BRINP1: variants seen among roughly 807,000 people sequenced by gnomAD.
The protein encoded by BRINP1 is BMP/retinoic acid inducible neural specific 1.
A neutral mutation model predicts 72.9 loss-of-function variants in BRINP1; 17 were observed. That is an observed-to-expected ratio of 0.23 (90% CI 0.16 to 0.35). The LOEUF (loss-of-function observed/expected upper bound fraction) is 0.35, where lower values mean the gene tolerates loss of function less well. Ranked by LOEUF, BRINP1 falls within the 10% of genes least tolerant of loss-of-function variation. The pLI, the probability that BRINP1 is intolerant of heterozygous loss-of-function variation, is 1.00. For synonymous variants in BRINP1, 418 were observed against 378.5 expected (o/e 1.10, Z -1.21); for missense variants, 850 against 1,001.6 (o/e 0.85, Z 2.04).
chr9:119,272,852 T>C (rs1219064862), intron 2 of BRINP1, among the ~76,000 whole-genome samples: 1 of 152,210 alleles, frequency 6.6e-6, no homozygotes, highest in Non-Finnish European at 1.5e-5. Context: ...ATTTGTGTCC[T>C]ATATTGATTG....
chr9:119,167,839 G>A lies in BRINP1; in HGVS notation c.1531C>T (p.Arg511Cys). 2 of 1,614,186 alleles carry A rather than the reference G, an allele frequency of 1.2e-6. No homozygotes were observed. The highest frequency in any genetic ancestry group is 1.7e-6 in the Non-Finnish European group (2 of 1,180,036). The change falls in exon 8 of 8, where the codon CGC (arginine) becomes TGC (cysteine). Residue 511 changes from arginine (R) to cysteine (C), a missense_variant. By Grantham distance (180) the Arg-to-Cys change is radical. Transcript: ENST00000265922. This position sits in a 1 kb window ranked among gnomAD's most constrained non-coding sequence, Gnocchi z 4.3. ...VHTTFISNEI[R>C]LDTFFDPRWR... Reference sequence around the variant, plus strand: ...CGAGGGTCAAAGAAGGTGTCGAGGCGGATCTCGTTGCTGATGAAGGTGGTG... The same window carrying A: ...CGAGGGTCAAAGAAGGTGTCGAGGCAGATCTCGTTGCTGATGAAGGTGGTG...
chr9:119,347,155 CA>C (rs1454564148), intron 1 of BRINP1, among the ~76,000 whole-genome samples: 1 of 152,084 alleles, frequency 6.6e-6, no homozygotes, highest in Non-Finnish European at 1.5e-5. Context: ...TTTACAGTTC[CA>C]AGAGATTTTT....
At chr9:119,221,512 CTG>C (rs1830041400) in intron 5 of BRINP1, among the ~76,000 whole-genome samples, 2 of 152,070 alleles carry the variant, frequency 1.3e-5, no homozygotes, top group South Asian at 4.1e-4. Context: ...CCGGGTGAAA[CTG>C]TGCAGAAAGG....
chr9:119,235,112 G>T (rs565434345), intron 5 of BRINP1, among the ~76,000 whole-genome samples: 1 of 152,148 alleles, frequency 6.6e-6, no homozygotes, highest in East Asian at 1.9e-4. Flanking sequence ...GAGTTCTGTA[G>T]TAGCCCCCTA....
At chr9:119,228,807 T>C (rs1830119828) in intron 5 of BRINP1, among the ~76,000 whole-genome samples, 1 of 152,042 alleles carries the variant, frequency 6.6e-6, no homozygotes, top group Non-Finnish European at 1.5e-5. Context: ...GCTTTAGAAC[T>C]GAAGCTAGAA....
intron 2 of BRINP1, among the ~76,000 whole-genome samples, chr9:119,303,974 G>A (rs1421638480): frequency 1.3e-5 from 2 of 150,056 alleles, no homozygotes; most frequent in Non-Finnish European, 3.0e-5. Flanking sequence ...CTGCCTCCTC[G>A]ATTCAAGGGA....
At position 119,174,739 on chromosome 9, in the gene BRINP1, T is replaced by A. The variant is rs956587696; in HGVS notation, c.1146-6515A>T. 4.2e-3 allele frequency among the ~76,000 whole-genome samples: 637 copies of A among 151,814 alleles called. 7 individuals carry two copies. Among genetic ancestry groups the A allele is most frequent in the African/African-American group, 0.014 (592 of 41,278 alleles). On this transcript the variant is annotated intron_variant, in intron 7 of 7. Transcript: ENST00000265922. ...ACCCAAATATCCAACAATGATAGAC[T>A]GGATTAAGAAAATGTGGCACATATA...
chr9:119,261,226 T>C (rs1308526238), intron 2 of BRINP1, among the ~76,000 whole-genome samples: 1 of 152,218 alleles, frequency 6.6e-6, no homozygotes. Context: ...AAAGCGTTAT[T>C]GTTGTCCATT....
At chr9:119,364,626 C>T (rs182276348) in intron 1 of BRINP1, among the ~76,000 whole-genome samples, 11 of 152,288 alleles carry the variant, frequency 7.2e-5, no homozygotes, top group African/African-American at 1.4e-4. Flanking sequence ...GCAGAGATGA[C>T]GTAAGAAGGA....
intron 2 of BRINP1, among the ~76,000 whole-genome samples, chr9:119,259,460 C>G (rs1830477602): frequency 2.0e-5 from 3 of 152,162 alleles, no homozygotes; most frequent in African/African-American, 7.2e-5. Flanking sequence ...TTTAAATGAT[C>G]TTAATATGCC....
chr9:119,290,456 G>C (rs2118972396), intron 2 of BRINP1, among the ~76,000 whole-genome samples: 1 of 152,314 alleles, frequency 6.6e-6, no homozygotes, highest in East Asian at 1.9e-4. Flanking sequence ...CCTGACCAAT[G>C]ATTGTGCCAT....
At chr9:119,210,998 G>A (rs1200319761) in intron 6 of BRINP1, among the ~76,000 whole-genome samples, 2 of 152,220 alleles carry the variant, frequency 1.3e-5, no homozygotes, top group Admixed American at 6.5e-5. Flanking sequence ...CAGGAGACAG[G>A]CCCTGATGAC....
At chr9:119,211,417 G>A (rs1336342965) in intron 6 of BRINP1, among the ~76,000 whole-genome samples, 1 of 151,776 alleles carries the variant, frequency 6.6e-6, no homozygotes, top group Admixed American at 6.6e-5. Context: ...GGCTGGTCTC[G>A]AACTCCTGAC....
At chr9:119,168,267 T>G (rs1829345627) in intron 7 of BRINP1, 43 bp from the exon 8 acceptor site, 2 of 1,435,562 alleles carry the variant, frequency 1.4e-6, no homozygotes, top group South Asian at 1.4e-5. Flanking sequence ...CTACCATGAG[T>G]GGGTCTGTGA....
chr9:119,359,531 TA>T (rs753490603), intron 1 of BRINP1, among the ~76,000 whole-genome samples: 1 of 152,216 alleles, frequency 6.6e-6, no homozygotes, highest in Non-Finnish European at 1.5e-5. Context: ...GTACTCATTT[TA>T]CAGATAAGAA....
chr9:119,362,611 C>T (rs1831646541), intron 1 of BRINP1, among the ~76,000 whole-genome samples: 1 of 152,188 alleles, frequency 6.6e-6, no homozygotes, highest in Non-Finnish European at 1.5e-5. Flanking sequence ...CTGATCCAAA[C>T]TGAAAACTTC....
chr9:119,318,844 GGTGTGTGTGTGTGT>G (rs56756136), intron 1 of BRINP1, among the ~76,000 whole-genome samples: 5 of 142,146 alleles, frequency 3.5e-5, no homozygotes, highest in African/African-American at 7.8e-5. Flanking sequence ...AAATGTGTGG[GGTGTGTGTGTGTGT>G]GTGTGTGTGT....
At chr9:119,191,289 C>A (rs1443362998) in intron 7 of BRINP1, among the ~76,000 whole-genome samples, 2 of 151,568 alleles carry the variant, frequency 1.3e-5, no homozygotes, top group African/African-American at 2.4e-5. Flanking sequence ...GCAAGAGTAG[C>A]CAGACAAGAA....
intron 2 of BRINP1, among the ~76,000 whole-genome samples, chr9:119,294,024 A>G (rs1830849639): frequency 6.6e-6 from 1 of 152,220 alleles, no homozygotes; most frequent in Non-Finnish European, 1.5e-5. Flanking sequence ...CTAAAGACTC[A>G]GTAACAACAA....
Sources: allele counts gnomAD v4.1 joint callset (sites outside exome capture counted in the v4.1 genomes callset), GRCh38; gene constraint gnomAD v4.1.1; non-coding constraint Gnocchi (gnomAD v3.1); transcripts MANE v1.5; gene names NCBI Gene and HGNC (gene_info 2026-07-23, HGNC 2026-07-21).